PCDHGB1: variants seen among roughly 807,000 people sequenced by gnomAD.
PCDHGB1 encodes the protein protocadherin gamma subfamily B, 1, also known as protocadherin gamma-B1.
PCDHGB1 carries 34 observed loss-of-function variants against 56.6 expected under a neutral mutation model. The ratio of observed to expected loss-of-function variants is 0.60; its 90% confidence interval spans 0.46 to 0.80. The LOEUF is 0.80. PCDHGB1 is among the 30% of genes least tolerant of loss of function. The probability of loss-of-function intolerance (pLI) is 0.00; values close to 1 mark genes in which losing one functional copy is unlikely to be tolerated. For synonymous variants in PCDHGB1, 561 were observed against 505.9 expected (o/e 1.11, Z -1.46); for missense variants, 1,278 against 1,204.6 (o/e 1.06, Z -0.90).
intron 1 of PCDHGB1, among the ~76,000 whole-genome samples, chr5:141,420,742 A>T (rs967908996): frequency 6.6e-6 from 1 of 152,254 alleles, no homozygotes; most frequent in African/African-American, 2.4e-5. Flanking sequence ...AATCAATTGG[A>T]ACCAACTACA....
At chr5:141,461,302 T>A (rs1009664719) in intron 1 of PCDHGB1, among the ~76,000 whole-genome samples, 3 of 152,142 alleles carry the variant, frequency 2.0e-5, no homozygotes. Flanking sequence ...CAACATCTAT[T>A]GTTTTTTGAC....
chr5:141,374,208 G>T (rs777295061), intron 1 of PCDHGB1: 11 of 1,613,952 alleles, frequency 6.8e-6, no homozygotes, highest in South Asian at 3.3e-5. Flanking sequence ...CTGGAGAAAG[G>T]CTCCTTCGTA....
chr5:141,507,578 C>T (rs1268451710), intron 3 of PCDHGB1, among the ~76,000 whole-genome samples: 1 of 152,220 alleles, frequency 6.6e-6, no homozygotes, highest in East Asian at 1.9e-4. Context: ...GAGGAGATGC[C>T]AAGTTGGCCT....
rs752680691 is a variant in PCDHGB1, at chr5:141,433,173, G to A, written c.2410-61634G>A. Reference sequence around the variant, plus strand: ...TCGGTATTTTCTAAAGACAGTCATGGGTTAATTGAGGTGAGTTTATATCAA... The same window carrying A: ...TCGGTATTTTCTAAAGACAGTCATGAGTTAATTGAGGTGAGTTTATATCAA... On this transcript the variant is annotated intron_variant, in intron 1 of 3. Coordinates refer to ENST00000523390, the MANE Select transcript of PCDHGB1 (RefSeq NM_018922.3). 3.1e-6 allele frequency: 5 copies of A among 1,610,344 alleles called. 1 individual carries two copies. In the Middle Eastern group the frequency reaches 5.0e-4, roughly 160 times the overall value.
intron 1 of PCDHGB1, chr5:141,395,489 A>T: frequency 4.2e-6 from 2 of 480,562 alleles, no homozygotes; most frequent in Non-Finnish European, 3.6e-6. Flanking sequence ...TCCTATTATC[A>T]CTCATTCACT....
chr5:141,421,031 T>A, intron 1 of PCDHGB1: 1 of 529,760 alleles, frequency 1.9e-6, no homozygotes, highest in Non-Finnish European at 3.3e-6. Context: ...CGCCATTGAG[T>A]CCCTCCCTCC....
chr5:141,388,372 G>C (rs1040306905), intron 1 of PCDHGB1: 5 of 1,613,966 alleles, frequency 3.1e-6, no homozygotes, highest in Non-Finnish European at 4.2e-6. Context: ...GCGGATATTG[G>C]TAGCAACACA....
chr5:141,498,565 G>C (rs2099784348), intron 2 of PCDHGB1, among the ~76,000 whole-genome samples: 1 of 152,044 alleles, frequency 6.6e-6, no homozygotes. Context: ...CTTCAAAGCA[G>C]GGCTAGTATT....
chr5:141,351,106 A>C lies in PCDHGB1; in HGVS notation c.846A>C (p.Pro282=), dbSNP rs1258132619. 1 of 1,614,066 alleles carries C rather than the reference A, an allele frequency of 6.2e-7. No individual in the cohort carries two copies. The highest frequency in any genetic ancestry group is 2.2e-5 in the East Asian group (1 of 44,892). The change falls in exon 1 of 4, where the codon CCA becomes CCC. Residue 282 remains proline, a synonymous_variant. Coordinates refer to ENST00000523390, the MANE Select transcript of PCDHGB1 (RefSeq NM_018922.3). ...AEITYAFLNS[P]ISTSLFNLNP... is the part of the protein sequence containing the mutation. Reference sequence around the variant, plus strand: ...TCACCTATGCCTTCCTCAATTCCCCAATAAGTACCAGCCTCTTCAATCTCA... The same window carrying C: ...TCACCTATGCCTTCCTCAATTCCCCCATAAGTACCAGCCTCTTCAATCTCA...
intron 1 of PCDHGB1, among the ~76,000 whole-genome samples, chr5:141,368,024 A>G (rs948491194): frequency 6.6e-6 from 1 of 152,204 alleles, no homozygotes; most frequent in Admixed American, 6.5e-5. Context: ...TGTGCCTCAA[A>G]TTCCAGGAGG....
chr5:141,403,719 C>T (rs758160960), intron 1 of PCDHGB1: 2 of 1,613,864 alleles, frequency 1.2e-6, no homozygotes, highest in Non-Finnish European at 1.7e-6. Context: ...GAGAACGTGC[C>T]CCCAGGCACC....
At chr5:141,456,731 G>A (rs1282690673) in intron 1 of PCDHGB1, among the ~76,000 whole-genome samples, 1 of 152,214 alleles carries the variant, frequency 6.6e-6, no homozygotes, top group Non-Finnish European at 1.5e-5. Flanking sequence ...TTGGGAGGCT[G>A]AGGCGGGAGC....
rs376452870 is a variant in PCDHGB1 at position 141,423,273 on chromosome 5, G to A, written c.2409+70604G>A. 34 of 1,613,778 alleles carry A rather than the reference G, an allele frequency of 2.1e-5. No homozygotes were observed. In the African/African-American group the frequency reaches 4.4e-4, roughly 21 times the overall value. Reference sequence around the variant, plus strand: ...CGGACCTCGGCAGCCTCGAGTCTCTGGCTAACTCTGAAACCTCAGACCTCT... The same window carrying A: ...CGGACCTCGGCAGCCTCGAGTCTCTAGCTAACTCTGAAACCTCAGACCTCT... On this transcript the variant is annotated intron_variant, in intron 1 of 3. Coordinates refer to ENST00000523390, the MANE Select transcript of PCDHGB1 (RefSeq NM_018922.3).
At chr5:141,389,757 C>T in intron 1 of PCDHGB1, 2 of 1,612,818 alleles carry the variant, frequency 1.2e-6, no homozygotes, top group East Asian at 2.2e-5. Flanking sequence ...GGGCGAAGTG[C>T]GCACAGCGCG....
chr5:141,425,486 C>T (rs2096878743), intron 1 of PCDHGB1, among the ~76,000 whole-genome samples: 1 of 152,236 alleles, frequency 6.6e-6, no homozygotes, highest in African/African-American at 2.4e-5. Context: ...TGGCAACCTA[C>T]TAGGCTATAC....
intron 1 of PCDHGB1, among the ~76,000 whole-genome samples, chr5:141,462,223 G>A (rs563764515): frequency 2.0e-5 from 3 of 152,144 alleles, no homozygotes; most frequent in Admixed American, 2.0e-4. Flanking sequence ...GCCTCCCAAA[G>A]TGCAGGGATT....
chr5:141,395,016 G>A (rs772379480), intron 1 of PCDHGB1: 2 of 1,614,068 alleles, frequency 1.2e-6, no homozygotes, highest in Non-Finnish European at 1.7e-6. Flanking sequence ...ATTGGTAGGC[G>A]TGCCTGCCTC....
chr5:141,395,327 AAAT>A (rs760723981), intron 1 of PCDHGB1: 2 of 1,469,018 alleles, frequency 1.4e-6, no homozygotes, highest in Non-Finnish European at 1.8e-6. Flanking sequence ...AGATAGTTGA[AAAT>A]AATTTTTAAG....
chr5:141,491,714 C>A lies in PCDHGB1; in HGVS notation c.2410-3093C>A, dbSNP rs1321811999. On this transcript the variant is annotated intron_variant, in intron 1 of 3. Transcript: ENST00000523390. The surrounding 1 kb of genome is among the most constrained non-coding windows in gnomAD (Gnocchi z 6.9). ...GAGCGGAGCCAGGTGAGGGGCTCGG[C>A]GCCGCCCCGGGCGACCCCTGGGGGC... 2 of 1,608,742 alleles carry A rather than the reference C, an allele frequency of 1.2e-6. No individual in the cohort carries two copies. The highest frequency in any genetic ancestry group is 1.7e-6 in the Non-Finnish European group (2 of 1,177,914).
Sources: allele counts gnomAD v4.1 joint callset (sites outside exome capture counted in the v4.1 genomes callset), GRCh38; gene constraint gnomAD v4.1.1; non-coding constraint Gnocchi (gnomAD v3.1); transcripts MANE v1.5; gene names NCBI Gene and HGNC (gene_info 2026-07-23, HGNC 2026-07-21).